The following AP4S1 variants were observed in gnomAD, a reference collection of about 807,000 sequenced individuals.
AP4S1 encodes the protein AP-4 complex subunit sigma-1.
A neutral mutation model predicts 19.8 loss-of-function variants in AP4S1; 23 were observed. The ratio of observed to expected loss-of-function variants is 1.16; its 90% CI spans 0.84 to 1.65. The LOEUF is 1.65. AP4S1 is among the 40% of genes most tolerant of loss of function. The pLI is 0.00. For synonymous variants in AP4S1, 46 were observed against 54.1 expected (o/e 0.85, Z 0.66); for missense variants, 166 against 172.8 (o/e 0.96, Z 0.22).
intron 1 of AP4S1, among the ~76,000 whole-genome samples, chr14:31,044,211 G>A (rs1238429605): frequency 1.3e-5 from 2 of 152,262 alleles, no homozygotes; most frequent in South Asian, 4.1e-4. Context: ...CCGGAGTTAA[G>A]CAAAATGCAC....
intron 1 of AP4S1, among the ~76,000 whole-genome samples, chr14:31,044,920 T>G (rs1014470211): frequency 6.6e-5 from 10 of 151,786 alleles, no homozygotes; most frequent in African/African-American, 2.4e-4. Flanking sequence ...TTTTTTTTTT[T>G]GAGATAGAGT....
intron 1 of AP4S1, among the ~76,000 whole-genome samples, chr14:31,057,076 A>T (rs368932863): frequency 1.2e-3 from 187 of 152,270 alleles, no homozygotes; most frequent in African/African-American, 4.2e-3. Flanking sequence ...CCTGTCTCAA[A>T]AAACAGAACA....
rs1888180198 is a variant in AP4S1 at position 31,095,575 on chromosome 14, A to T, written c.*2540A>T. The T allele has an allele frequency of 6.6e-6, 1 of 151,662 alleles. No homozygotes were observed. The highest frequency in any genetic ancestry group is 6.6e-5 in the Admixed American group (1 of 15,190). The allele number at this position is 151,662 out of a possible 1,614,324, so 9.4% of individuals were successfully genotyped here. On this transcript the variant is annotated 3_prime_UTR_variant, in exon 6 of 6. Transcript: ENST00000542754. Reference sequence around the variant, plus strand: ...GGGACCACAGGTGCGCACCCCCTCCACCCAGCTAATTTTTGTATTTTGTTG... The same window carrying T: ...GGGACCACAGGTGCGCACCCCCTCCTCCCAGCTAATTTTTGTATTTTGTTG...
chr14:31,092,983 G>A lies in AP4S1; in HGVS notation c.383G>A (p.Arg128Lys). The A allele has an allele frequency of 6.5e-7, 1 of 1,548,834 alleles. No individual in the cohort carries two copies. Among genetic ancestry groups the A allele is most frequent in the Non-Finnish European group, 8.7e-7 (1 of 1,146,564 alleles). ...AATGGCTGCATTGTGGAAACTAACAGGGCAAGAATTCTTGCCCCTCTACTA... is the reference window on the plus strand; with the variant it reads ...AATGGCTGCATTGTGGAAACTAACAAGGCAAGAATTCTTGCCCCTCTACTA... ...VLNGCIVETN[R>K]ARILAPLLIL... is the part of the protein sequence containing the mutation. The change falls in exon 6 of 6, where the codon AGG (arginine) becomes AAG (lysine). Residue 128 changes from arginine (R) to lysine (K), a missense_variant. Transcript: ENST00000542754.
Position 31,025,741 on chromosome 14 carries a change from C to T in AP4S1, c.-118C>T, listed in dbSNP as rs1355433643. ...CTTATGCGGGAAAGAGGGAGGGGGA[C>T]TCCAGGAAAAGCCGTTGAGAGGACC... is the stretch of plus-strand genomic sequence containing the variant. On this transcript the variant is annotated 5_prime_UTR_variant, in exon 1 of 6. Coordinates refer to ENST00000542754, the MANE Select transcript of AP4S1 (RefSeq NM_001128126.3). The T allele has an allele frequency of 3.1e-6, 3 of 962,932 alleles. No homozygotes were observed. In the African/African-American group the frequency reaches 5.1e-5, roughly 16 times the overall value. 59.6% of individuals were successfully genotyped at this position (962,932 alleles called of 1,614,324 possible). A position where few individuals can be genotyped will look rare whatever the true frequency, so the allele number is the denominator to read the frequency against.
intron 1 of AP4S1, among the ~76,000 whole-genome samples, chr14:31,029,025 A>G (rs116290315): frequency 0.013 from 1,976 of 152,216 alleles, 41 homozygotes; most frequent in African/African-American, 0.041. Context: ...TTGTCTCCTC[A>G]CCTACCCTCA....
intron 1 of AP4S1, among the ~76,000 whole-genome samples, chr14:31,032,241 G>A (rs1205804698): frequency 6.6e-6 from 1 of 152,112 alleles, no homozygotes; most frequent in East Asian, 1.9e-4. Context: ...AAATTAGCCA[G>A]GCATGGTGCA....
At chr14:31,046,380 T>C (rs1402156191) in intron 1 of AP4S1, among the ~76,000 whole-genome samples, 1 of 152,206 alleles carries the variant, frequency 6.6e-6, no homozygotes, top group Non-Finnish European at 1.5e-5. Context: ...AGTAGAATCA[T>C]ATAATAGGTA....
chr14:31,025,826 TGAGTG>T, intron 1 of AP4S1, 39 bp downstream of exon 1: 3 of 1,534,128 alleles, frequency 2.0e-6, no homozygotes, highest in Non-Finnish European at 2.6e-6. Context: ...CGGCTCCGGC[TGAGTG>T]GAGTCCCCAG....
chr14:31,031,232 A>G (rs908138625), intron 1 of AP4S1, among the ~76,000 whole-genome samples: 12 of 152,164 alleles, frequency 7.9e-5, no homozygotes, highest in Non-Finnish European at 1.8e-4. Context: ...TCTTTCCTTT[A>G]TAAATTACCC....
At chr14:31,060,346 C>T (rs564234112) in intron 1 of AP4S1, among the ~76,000 whole-genome samples, 10 of 152,092 alleles carry the variant, frequency 6.6e-5, no homozygotes, top group African/African-American at 2.4e-4. Flanking sequence ...AGGGCAGTCC[C>T]GGAAACAATA....
intron 5 of AP4S1, among the ~76,000 whole-genome samples, chr14:31,092,292 G>A (rs1888097103): frequency 6.6e-6 from 1 of 152,150 alleles, no homozygotes; most frequent in Non-Finnish European, 1.5e-5. Context: ...TTATTTTGGG[G>A]TGGAGGTTTG....
chr14:31,057,129 G>A (rs1470956286), intron 1 of AP4S1, among the ~76,000 whole-genome samples: 1 of 152,162 alleles, frequency 6.6e-6, no homozygotes, highest in Non-Finnish European at 1.5e-5. Context: ...GATATGTAGA[G>A]TGAGGCAATG....
chr14:31,081,044 G>A (rs531812111), intron 5 of AP4S1, among the ~76,000 whole-genome samples: 14 of 152,168 alleles, frequency 9.2e-5, no homozygotes, highest in African/African-American at 2.9e-4. Context: ...CACCCACCTC[G>A]GCCTCCCAAA....
chr14:31,037,981 G>C (rs1244241858), intron 1 of AP4S1, among the ~76,000 whole-genome samples: 2 of 152,168 alleles, frequency 1.3e-5, no homozygotes, highest in Admixed American at 1.3e-4. Context: ...TTCATATTTA[G>C]CAAGAGCTGT....
In AP4S1 at chr14:31,081,677, TAAC is replaced by T. The variant is rs947396717; in HGVS notation, c.306+1097_306+1099del. 2.6e-4 allele frequency among the ~76,000 whole-genome samples: 39 copies of T among 151,492 alleles called. No homozygotes were observed. The East Asian group carries it at 6.6e-3, about 26-fold the overall frequency. ...ATATATAAATATTTATATAAGAATA[TAAC>T]AACTATATATGAATTATAACAATGT... On this transcript the variant is annotated intron_variant, in intron 5 of 5. Coordinates refer to ENST00000542754, the MANE Select transcript of AP4S1 (RefSeq NM_001128126.3).
At chr14:31,038,817 C>T (rs1884924412) in intron 1 of AP4S1, among the ~76,000 whole-genome samples, 2 of 152,132 alleles carry the variant, frequency 1.3e-5, no homozygotes, top group Admixed American at 6.5e-5. Flanking sequence ...GTAAGCACTT[C>T]CTATTGTTAT....
intron 1 of AP4S1, among the ~76,000 whole-genome samples, chr14:31,041,090 A>G (rs1594638226): frequency 6.6e-6 from 1 of 150,836 alleles, no homozygotes; most frequent in Non-Finnish European, 1.5e-5. Flanking sequence ...AAAAAAAAAA[A>G]GTACGCAAAT....
At chr14:31,030,860 G>C (rs966399385) in intron 1 of AP4S1, among the ~76,000 whole-genome samples, 1 of 152,168 alleles carries the variant, frequency 6.6e-6, no homozygotes, top group Non-Finnish European at 1.5e-5. Flanking sequence ...AACTTCAAGT[G>C]TGCTGCCTAT....
Sources: gnomAD v4.1 joint callset for allele counts (sites outside exome capture counted in the v4.1 genomes callset) on GRCh38, gnomAD v4.1.1 for gene constraint, MANE v1.5 for transcripts, NCBI Gene and HGNC (gene_info 2026-07-23, HGNC 2026-07-21) for gene names.